The following ADAMTS19 variants were observed in gnomAD, a reference collection of about 807,000 sequenced individuals.
The protein encoded by ADAMTS19 is A disintegrin and metalloproteinase with thrombospondin motifs 19.
In ADAMTS19, 93 loss-of-function variants were observed where a neutral mutation model predicts 153.3. The ratio of observed to expected loss-of-function variants is 0.61; its 90% confidence interval spans 0.51 to 0.72. The LOEUF (loss-of-function observed/expected upper bound fraction) is 0.72. Among genes scored for constraint, ADAMTS19 ranks in the 30% least tolerant of loss-of-function variants. The pLI is 0.00. For missense variants in ADAMTS19, 1,482 were observed against 1,552.1 expected (o/e 0.95, Z 0.76); for synonymous variants, 600 against 556.6 (o/e 1.08, Z -1.10).
chr5:129,516,061 C>T (rs2126737563), intron 3 of ADAMTS19, among the ~76,000 whole-genome samples: 2 of 151,858 alleles, frequency 1.3e-5, no homozygotes, highest in South Asian at 4.1e-4. Flanking sequence ...TTTTCTCCTT[C>T]ATTCTATTTA....
intron 10 of ADAMTS19, among the ~76,000 whole-genome samples, chr5:129,637,251 G>T: frequency 6.6e-6 from 1 of 152,006 alleles, no homozygotes; most frequent in East Asian, 1.9e-4. Context: ...CACATATTTT[G>T]TATCCACAGA....
Position 129,658,613 on chromosome 5 carries a change from A to C in ADAMTS19, c.2305-4A>C. ...TATGATGTGCTGTCACTCTCTTGTT[A>C]CAGAAAGTTGGCTGTGATGGTTTAT... On this transcript the variant is annotated splice_region_variant and splice_polypyrimidine_tract_variant and intron_variant, in intron 14 of 22. Coordinates refer to ENST00000274487, the MANE Select transcript of ADAMTS19 (RefSeq NM_133638.6). 1 of 1,610,292 alleles carries C rather than the reference A, an allele frequency of 6.2e-7. No individual in the cohort carries two copies. Among genetic ancestry groups the C allele is most frequent in the Non-Finnish European group, 8.5e-7 (1 of 1,178,598 alleles).
chr5:129,561,596 C>T (rs527903378), intron 7 of ADAMTS19, among the ~76,000 whole-genome samples: 1 of 150,658 alleles, frequency 6.6e-6, no homozygotes, highest in Admixed American at 6.6e-5. Context: ...TTTTCTAAAA[C>T]GCATGTCGTA....
At chr5:129,640,828 T>A (rs1158763151) in intron 10 of ADAMTS19, among the ~76,000 whole-genome samples, 1 of 152,094 alleles carries the variant, frequency 6.6e-6, no homozygotes, top group Non-Finnish European at 1.5e-5. Context: ...CAACTTACTT[T>A]TTTTTTTCTT....
chr5:129,688,432 C>T (rs893120264), intron 18 of ADAMTS19, among the ~76,000 whole-genome samples: 3 of 151,744 alleles, frequency 2.0e-5, no homozygotes, highest in South Asian at 2.1e-4. Context: ...AAAATAAACA[C>T]TTAAAAGGAT....
chr5:129,600,859 T>A (rs1172136748), intron 8 of ADAMTS19, among the ~76,000 whole-genome samples: 1 of 8,068 alleles, frequency 1.2e-4, no homozygotes, highest in Non-Finnish European at 3.2e-4. Flanking sequence ...GTAGTAGGAG[T>A]TATTATTATT....
At chr5:129,564,915 A>G (rs1055202404) in intron 7 of ADAMTS19, among the ~76,000 whole-genome samples, 3 of 152,202 alleles carry the variant, frequency 2.0e-5, no homozygotes, top group African/African-American at 4.8e-5. Context: ...AGGTTTATTT[A>G]TATATAAGGT....
intron 16 of ADAMTS19, among the ~76,000 whole-genome samples, chr5:129,669,088 G>GTATGTATATATATATATATATATATATA (rs1554104449): frequency 4.0e-5 from 6 of 149,040 alleles, no homozygotes; most frequent in Admixed American, 1.3e-4. Flanking sequence ...ATATATATGT[G>GTATGTATATATATATATATATATATATA]TATATATATA....
chr5:129,649,463 C>T (rs1753217315), intron 13 of ADAMTS19, among the ~76,000 whole-genome samples: 1 of 151,980 alleles, frequency 6.6e-6, no homozygotes. Context: ...TCAAAAGGTC[C>T]CATGTTATGT....
chr5:129,509,292 G>A, intron 3 of ADAMTS19, 50 bp downstream of exon 3: 1 of 1,511,158 alleles, frequency 6.6e-7, no homozygotes. Context: ...AATGTGAGAT[G>A]ACTACTTTAA....
rs566906767 is a variant in ADAMTS19, at chr5:129,655,602, AT to A, written c.2304+1178del. Reference sequence around the variant, plus strand: ...ATACACTCCTTTGAGAATTTGATGAATTTTTTTTTCCTCGTAAAAATGCACA... The same window carrying A: ...ATACACTCCTTTGAGAATTTGATGAATTTTTTTTCCTCGTAAAAATGCACA... On this transcript the variant is annotated intron_variant, in intron 14 of 22. Transcript: ENST00000274487. Among the ~76,000 whole-genome samples the A allele has an allele frequency of 3.4e-3, 522 of 151,808 alleles. 3 individuals carry two copies. Among genetic ancestry groups the A allele is most frequent in the African/African-American group, 0.011 (475 of 41,402 alleles).
rs1467488945 is a variant in ADAMTS19, at chr5:129,738,488, A to G, written c.*1270A>G. ...TCTCTTGGGAGCAAAGGGCAAACAT[A>G]CTTCTCATTATAAAAGTTTCAGGTT... is the stretch of plus-strand genomic sequence containing the variant. On this transcript the variant is annotated 3_prime_UTR_variant, in exon 23 of 23. Transcript: ENST00000274487. 3 of 151,964 alleles carry G rather than the reference A, an allele frequency of 2.0e-5. No homozygotes were observed. Among genetic ancestry groups the G allele is most frequent in the Admixed American group, 6.6e-5 (1 of 15,222 alleles). The allele number at this position is 151,964 out of a possible 1,614,324, so 9.4% of individuals were successfully genotyped here.
intron 8 of ADAMTS19, among the ~76,000 whole-genome samples, chr5:129,613,505 A>G (rs1195720654): frequency 2.6e-5 from 4 of 152,310 alleles, no homozygotes; most frequent in Middle Eastern, 3.4e-3. Context: ...AAGACACAAC[A>G]TACCAGAATC....
intron 6 of ADAMTS19, among the ~76,000 whole-genome samples, chr5:129,533,287 A>G (rs1319374843): frequency 6.6e-6 from 1 of 152,150 alleles, no homozygotes; most frequent in African/African-American, 2.4e-5. Context: ...AATATTGCAT[A>G]TATTGCTTTG....
intron 21 of ADAMTS19, among the ~76,000 whole-genome samples, chr5:129,712,498 A>C (rs1472250230): frequency 6.6e-6 from 1 of 152,148 alleles, no homozygotes; most frequent in African/African-American, 2.4e-5. Context: ...ACTCACCATT[A>C]TATCTGGAGA....
intron 11 of ADAMTS19, among the ~76,000 whole-genome samples, chr5:129,642,502 T>C (rs1331438646): frequency 6.6e-6 from 1 of 152,214 alleles, no homozygotes; most frequent in Non-Finnish European, 1.5e-5. Flanking sequence ...CAGATCTAAA[T>C]AACTGCTTTT....
chr5:129,686,548 G>C (rs568297127), intron 18 of ADAMTS19, among the ~76,000 whole-genome samples: 2 of 152,042 alleles, frequency 1.3e-5, no homozygotes, highest in Admixed American at 1.3e-4. Flanking sequence ...GCTGCACCAC[G>C]TCTAGATCCA....
At chr5:129,471,771 A>G (rs1170195524) in intron 2 of ADAMTS19, among the ~76,000 whole-genome samples, 1 of 152,052 alleles carries the variant, frequency 6.6e-6, no homozygotes, top group Non-Finnish European at 1.5e-5. Flanking sequence ...TGTTCTCATC[A>G]TTTAGCTCCC....
chr5:129,654,483 G>T, intron 14 of ADAMTS19, 50 bp downstream of exon 14: 1 of 1,581,762 alleles, frequency 6.3e-7, no homozygotes. Flanking sequence ...GGAAAATTGT[G>T]GGACCACTGA....
Sources: gnomAD v4.1 joint callset for allele counts (sites outside exome capture counted in the v4.1 genomes callset) on GRCh38, gnomAD v4.1.1 for gene constraint, MANE v1.5 for transcripts, NCBI Gene and HGNC (gene_info 2026-07-23, HGNC 2026-07-21) for gene names.